MAP2K4: variants seen among roughly 807,000 people sequenced by gnomAD.
The protein encoded by MAP2K4 is mitogen-activated protein kinase kinase 4.
In MAP2K4, 4 loss-of-function variants were observed where a neutral mutation model predicts 48.5. The observed-to-expected ratio is 0.08, with a 90% CI of 0.04 to 0.19. The LOEUF (loss-of-function observed/expected upper bound fraction) is 0.19. Among genes scored for constraint, MAP2K4 ranks in the 10% least tolerant of loss-of-function variants. The probability of loss-of-function intolerance (pLI) is 1.00; values close to 1 mark genes in which losing one functional copy is unlikely to be tolerated. For synonymous variants in MAP2K4, 166 were observed against 173.1 expected (o/e 0.96, Z 0.32); for missense variants, 258 against 493.3 (o/e 0.52, Z 4.52).
At chr17:12,102,155 A>AT (rs1292558124) in intron 4 of MAP2K4, among the ~76,000 whole-genome samples, 1 of 152,014 alleles carries the variant, frequency 6.6e-6, no homozygotes, top group African/African-American at 2.4e-5. Context: ...ATATATATAT[A>AT]TTTTTAATCA....
At chr17:12,116,639 T>TA (rs1318483879) in intron 7 of MAP2K4, among the ~76,000 whole-genome samples, 1 of 152,190 alleles carries the variant, frequency 6.6e-6, no homozygotes, top group African/African-American at 2.4e-5. Context: ...ACTTTTTTGT[T>TA]AAAAACTAAG....
At chr17:12,076,618 G>C (rs1971018790) in intron 2 of MAP2K4, among the ~76,000 whole-genome samples, 1 of 152,084 alleles carries the variant, frequency 6.6e-6, no homozygotes, top group African/African-American at 2.4e-5. Context: ...ATGAATTCAT[G>C]CCCTATATTA....
chr17:12,125,705 A>G (rs1042880344), intron 8 of MAP2K4, among the ~76,000 whole-genome samples: 1 of 152,168 alleles, frequency 6.6e-6, no homozygotes, highest in Non-Finnish European at 1.5e-5. Context: ...TCATTGATGA[A>G]GGCACATAGG....
chr17:12,107,969 A>G lies in MAP2K4; in HGVS notation c.633+60A>G, dbSNP rs570217754. ...TATAGTTATATAGAGATGCTGCTGG[A>G]GTTTTGAATGCACATATTTGAGTGT... On this transcript the variant is annotated intron_variant, in intron 5 of 10. Transcript: ENST00000353533. The G allele has an allele frequency of 1.8e-5, 24 of 1,366,120 alleles. No individual in the cohort carries two copies. In the African/African-American group the frequency reaches 3.0e-4, roughly 17 times the overall value. The allele number at this position is 1,366,120 out of a possible 1,614,324, so 84.6% of individuals were successfully genotyped here.
chr17:12,028,322 C>G (rs1425679207), intron 1 of MAP2K4, among the ~76,000 whole-genome samples: 1 of 152,124 alleles, frequency 6.6e-6, no homozygotes, highest in Admixed American at 6.5e-5. Flanking sequence ...TTATCAACTC[C>G]TGACTGGTGG....
At chr17:12,109,075 T>A (rs1972221427) in intron 5 of MAP2K4, among the ~76,000 whole-genome samples, 1 of 152,164 alleles carries the variant, frequency 6.6e-6, no homozygotes, top group African/African-American at 2.4e-5. Context: ...AGTAACTCTC[T>A]GTGGTAAATA....
At chr17:12,050,882 T>G (rs1597413707) in intron 1 of MAP2K4, among the ~76,000 whole-genome samples, 1 of 152,218 alleles carries the variant, frequency 6.6e-6, no homozygotes, top group Non-Finnish European at 1.5e-5. Flanking sequence ...CCAATCCCTT[T>G]CTTCAGGATT....
chr17:12,121,676 G>A (rs746171544), intron 7 of MAP2K4, among the ~76,000 whole-genome samples: 21 of 151,948 alleles, frequency 1.4e-4, no homozygotes, highest in Non-Finnish European at 2.8e-4. Flanking sequence ...TGACATTGGC[G>A]GTTTTGGAAG....
chr17:12,123,768 CT>C (rs1421475852), intron 7 of MAP2K4, among the ~76,000 whole-genome samples: 3 of 152,048 alleles, frequency 2.0e-5, no homozygotes, highest in Non-Finnish European at 4.4e-5. Flanking sequence ...TTTCTTGAGA[CT>C]TTTTTGATCC....
chr17:12,093,552 A>G (rs1035783670), intron 3 of MAP2K4, among the ~76,000 whole-genome samples: 19 of 152,240 alleles, frequency 1.2e-4, no homozygotes, highest in Non-Finnish European at 2.6e-4. Flanking sequence ...TTAGCATACC[A>G]CACAACCAGT....
intron 3 of MAP2K4, among the ~76,000 whole-genome samples, chr17:12,094,513 G>A (rs1225952220): frequency 6.6e-6 from 1 of 152,112 alleles, no homozygotes; most frequent in Non-Finnish European, 1.5e-5. Context: ...TGTATTTTTT[G>A]ATACTAACTT....
chr17:12,023,878 G>GA (rs776299708), intron 1 of MAP2K4, among the ~76,000 whole-genome samples: 4 of 152,156 alleles, frequency 2.6e-5, no homozygotes, highest in Admixed American at 6.5e-5. Flanking sequence ...CGGTGGCTTT[G>GA]AGAATGCATG....
At chr17:12,021,734 GAAAAAAAAA>G (rs896882494) in intron 1 of MAP2K4, among the ~76,000 whole-genome samples, 2 of 99,984 alleles carry the variant, frequency 2.0e-5, no homozygotes, top group South Asian at 3.5e-4. Context: ...CGTGCAGGAA[GAAAAAAAAA>G]AAAAAAAAAA....
chr17:12,113,139 T>C, intron 6 of MAP2K4, 94 bp from the exon 7 acceptor site: 1 of 1,122,422 alleles, frequency 8.9e-7, no homozygotes, highest in South Asian at 1.6e-5. Context: ...CCACTTATGT[T>C]GTCTAAGGTT....
In MAP2K4 at chr17:12,141,385, G is replaced by A. The variant is rs754518168; in HGVS notation, c.*125G>A. On this transcript the variant is annotated 3_prime_UTR_variant, in exon 11 of 11. Coordinates refer to ENST00000353533, the MANE Select transcript of MAP2K4 (RefSeq NM_003010.4). The stretch of plus-strand genomic sequence containing the variant: ...ACCATGTGCAATAAGATTGGTGTTC[G>A]TTTCCATCATGTCTGTATACTCCTG... 57 of 720,004 alleles carry A rather than the reference G, an allele frequency of 7.9e-5. 2 individuals are homozygous for A. Among genetic ancestry groups the A allele is most frequent in the South Asian group, 6.0e-4 (38 of 63,004 alleles). 44.6% of individuals were successfully genotyped at this position (720,004 alleles called of 1,614,324 possible). A position where few individuals can be genotyped will look rare whatever the true frequency, so the allele number is the denominator to read the frequency against.
chr17:12,087,036 G>A (rs900147003), intron 3 of MAP2K4, among the ~76,000 whole-genome samples: 6 of 151,828 alleles, frequency 4.0e-5, no homozygotes, highest in East Asian at 1.9e-4. Flanking sequence ...TAGTAGAGGC[G>A]GGGTTTCACC....
At chr17:12,055,750 T>C (rs1970267322) in intron 2 of MAP2K4, among the ~76,000 whole-genome samples, 1 of 152,056 alleles carries the variant, frequency 6.6e-6, no homozygotes. Context: ...TGCATTGTAT[T>C]TACAAACAGT....
In MAP2K4 at chr17:12,143,373, CTT is replaced by C. The variant is rs1187924346; in HGVS notation, c.*2114_*2115del. ...ATCATAGATTATTATAAACTATAAACTTAAGGGCAAGGAGTTTATTACAATGT... is the reference window on the plus strand; with the variant it reads ...ATCATAGATTATTATAAACTATAAACAAGGGCAAGGAGTTTATTACAATGT... On this transcript the variant is annotated 3_prime_UTR_variant, in exon 11 of 11. Transcript: ENST00000353533. 1.7e-5 allele frequency: 4 copies of C among 232,614 alleles called. No homozygotes were observed. Among genetic ancestry groups the C allele is most frequent in the South Asian group, 1.8e-4 (1 of 5,522 alleles). The allele number at this position is 232,614 out of a possible 1,614,324, so 14.4% of individuals were successfully genotyped here. A position where few individuals can be genotyped will look rare whatever the true frequency, so the allele number is the denominator to read the frequency against.
At chr17:12,040,990 T>C (rs1969760557) in intron 1 of MAP2K4, among the ~76,000 whole-genome samples, 1 of 152,274 alleles carries the variant, frequency 6.6e-6, no homozygotes, top group Admixed American at 6.5e-5. Context: ...TTTGGGTCTT[T>C]GTAAGTAACA....
Sources: allele counts gnomAD v4.1 joint callset (sites outside exome capture counted in the v4.1 genomes callset), GRCh38; gene constraint gnomAD v4.1.1; transcripts MANE v1.5; gene names NCBI Gene and HGNC (gene_info 2026-07-23, HGNC 2026-07-21).